The following SLC71A2 variants were observed in gnomAD, a reference collection of about 807,000 sequenced individuals.
SLC71A2 encodes hippocampus abundant transcript-like 1.
the SLC71A2 span, chr9:94,447,075 A>G: frequency 7.3e-6 from 4 of 547,280 alleles, no homozygotes; most frequent in South Asian, 5.4e-5. Flanking sequence ...GTGCTGGCAT[A>G]TAATTAGTAA....
chr9:94,407,994 G>C, the SLC71A2 span, among the ~76,000 whole-genome samples: 1 of 152,090 alleles, frequency 6.6e-6, no homozygotes, highest in Non-Finnish European at 1.5e-5. Flanking sequence ...CAGTATCACA[G>C]TGCTTGTGTT....
the SLC71A2 span, among the ~76,000 whole-genome samples, chr9:94,455,378 A>ATTTTTTTTTTTTTTTTTTTTTT: frequency 6.8e-4 from 58 of 85,778 alleles, 2 homozygotes; most frequent in Non-Finnish European, 1.0e-3. Flanking sequence ...TAATATTCTG[A>ATTTTTTTTTTTTTTTTTTTTTT]TTTTTTTTTT....
chr9:94,444,681 C>CT, the SLC71A2 span, among the ~76,000 whole-genome samples: 1 of 152,124 alleles, frequency 6.6e-6, no homozygotes, highest in Non-Finnish European at 1.5e-5. Flanking sequence ...TAAGATAATC[C>CT]TTTTTTACTC....
At chr9:94,460,642 A>G in the SLC71A2 span, 9 of 152,240 alleles carry the variant, frequency 5.9e-5, no homozygotes, top group Admixed American at 2.6e-4. Flanking sequence ...TGAAAGTTTT[A>G]TAGGTATGAA....
chr9:94,429,277 G>T, the SLC71A2 span: 15 of 1,570,014 alleles, frequency 9.6e-6, no homozygotes, highest in Non-Finnish European at 1.3e-5. Flanking sequence ...TATGTGGTTT[G>T]TAATGAACCA....
At chr9:94,406,224 C>T in the SLC71A2 span, among the ~76,000 whole-genome samples, 2 of 151,336 alleles carry the variant, frequency 1.3e-5, no homozygotes, top group Non-Finnish European at 2.9e-5. Context: ...TGCGCCAGCA[C>T]GTCTGGCTAA....
At chr9:94,415,020 G>A in the SLC71A2 span, 16 of 639,806 alleles carry the variant, frequency 2.5e-5, no homozygotes, top group South Asian at 3.1e-4. Flanking sequence ...GGATAACACA[G>A]AATGAAGTTT....
chr9:94,454,187 A>G, the SLC71A2 span: 1 of 672,240 alleles, frequency 1.5e-6, no homozygotes, highest in Admixed American at 2.5e-5. Context: ...TGGTGTATTC[A>G]ACATTGCAGA....
chr9:94,458,016 C>T, the SLC71A2 span, among the ~76,000 whole-genome samples: 1 of 152,104 alleles, frequency 6.6e-6, no homozygotes, highest in African/African-American at 2.4e-5. Flanking sequence ...TGTGAAAGCA[C>T]CAGTAAATGA....
At chr9:94,400,841 A>G in the SLC71A2 span, among the ~76,000 whole-genome samples, 1 of 152,122 alleles carries the variant, frequency 6.6e-6, no homozygotes, top group African/African-American at 2.4e-5. Context: ...CAATTTTACT[A>G]CCTGAAAGTG....
At chr9:94,456,102 C>A in the SLC71A2 span, 3 of 568,762 alleles carry the variant, frequency 5.3e-6, no homozygotes, top group Admixed American at 6.4e-5. Flanking sequence ...AAAAAAAATG[C>A]ATTTTTAAAG....
chr9:94,435,055 C>T, the SLC71A2 span, among the ~76,000 whole-genome samples: 1 of 152,178 alleles, frequency 6.6e-6, no homozygotes, highest in African/African-American at 2.4e-5. Context: ...GTCACCCCTG[C>T]CCCTGTATCC....
the SLC71A2 span, among the ~76,000 whole-genome samples, chr9:94,398,276 A>G: frequency 1.3e-5 from 2 of 149,946 alleles, no homozygotes; most frequent in Non-Finnish European, 2.9e-5. Flanking sequence ...TTGGGCTGCT[A>G]CTTCTTAAGG....
the SLC71A2 span, among the ~76,000 whole-genome samples, chr9:94,455,378 ATTTTTTTT>A: frequency 4.7e-5 from 4 of 85,780 alleles, no homozygotes; most frequent in Non-Finnish European, 6.2e-5. Context: ...TAATATTCTG[ATTTTTTTT>A]TTTTTTTTTT....
the SLC71A2 span, among the ~76,000 whole-genome samples, chr9:94,384,071 A>G: frequency 2.0e-5 from 3 of 152,178 alleles, no homozygotes; most frequent in Non-Finnish European, 4.4e-5. Flanking sequence ...GTGTAAGTAT[A>G]TTCACATTGT....
chr9:94,379,213 T>C, the SLC71A2 span, among the ~76,000 whole-genome samples: 1 of 149,934 alleles, frequency 6.7e-6, no homozygotes, highest in African/African-American at 2.4e-5. Flanking sequence ...CAGCCTCCCA[T>C]GTAGCTGGGA....
the SLC71A2 span, among the ~76,000 whole-genome samples, chr9:94,442,423 C>G: frequency 6.6e-6 from 1 of 152,166 alleles, no homozygotes; most frequent in African/African-American, 2.4e-5. Flanking sequence ...CTTCTTCCCT[C>G]CACTCCTGAA....
At chr9:94,435,753 C>A in the SLC71A2 span, among the ~76,000 whole-genome samples, 2 of 146,656 alleles carry the variant, frequency 1.4e-5, no homozygotes, top group Non-Finnish European at 3.0e-5. Flanking sequence ...CTCCTGGGTT[C>A]AAGCGATTCT....
At chr9:94,392,312 C>G in the SLC71A2 span, among the ~76,000 whole-genome samples, 1 of 150,546 alleles carries the variant, frequency 6.6e-6, no homozygotes, top group South Asian at 2.1e-4. Flanking sequence ...GGTGGGCTTC[C>G]TATTTTCAGC....
Sources: allele counts gnomAD v4.1 joint callset (sites outside exome capture counted in the v4.1 genomes callset), GRCh38; gene constraint gnomAD v4.1.1; transcripts MANE v1.5; gene names NCBI Gene and HGNC (gene_info 2026-07-23, HGNC 2026-07-21).